Variants in PIBF1 observed in about 807,000 individuals in gnomAD.
The protein encoded by PIBF1 is progesterone immunomodulatory binding factor 1, also known as progesterone-induced-blocking factor 1.
Under a neutral mutation model 112.5 loss-of-function variants are expected in PIBF1, and 90 were observed. That is an observed-to-expected ratio of 0.80 (90% CI 0.67 to 0.95). The LOEUF is 0.95. Among genes scored for constraint, PIBF1 ranks in the 40% least tolerant of loss-of-function variants. The pLI is 0.00. For synonymous variants in PIBF1, 301 were observed against 288.6 expected (o/e 1.04, Z -0.44); for missense variants, 915 against 852.3 (o/e 1.07, Z -0.92).
At position 72,956,070 on chromosome 13, in the gene PIBF1, A is replaced by G. The variant is rs149140360; in HGVS notation, c.1834-9204A>G. Among the ~76,000 whole-genome samples, 1,245 of 152,302 alleles carry G rather than the reference A, an allele frequency of 8.2e-3. 15 individuals carry two copies. The highest frequency in any genetic ancestry group is 0.012 in the Non-Finnish European group (828 of 68,026). On this transcript the variant is annotated intron_variant, in intron 14 of 17. Coordinates refer to ENST00000326291, the MANE Select transcript of PIBF1 (RefSeq NM_006346.4). ...GAAAGGCAAGAGAGAGAAAATTCTT[A>G]GGTTTTGCAGTAACAATACTGAAAA...
intron 14 of PIBF1, among the ~76,000 whole-genome samples, chr13:72,964,660 GT>G (rs1022783848): frequency 2.3e-4 from 35 of 152,060 alleles, no homozygotes; most frequent in African/African-American, 8.0e-4. Flanking sequence ...TTAGCTAAGT[GT>G]TTCCATTTTA....
intron 13 of PIBF1, among the ~76,000 whole-genome samples, 176 bp from the exon 14 acceptor site, chr13:72,930,989 G>A (rs1231819279): frequency 6.6e-6 from 1 of 152,078 alleles, no homozygotes; most frequent in Non-Finnish European, 1.5e-5. Flanking sequence ...TCTGAGTTGT[G>A]GGGTATTGGT....
intron 17 of PIBF1, among the ~76,000 whole-genome samples, chr13:73,003,912 CAT>C (rs1227863800): frequency 6.6e-6 from 1 of 152,002 alleles, no homozygotes; most frequent in Non-Finnish European, 1.5e-5. Flanking sequence ...GGTCTCACTG[CAT>C]TGCTCAGGCT....
At chr13:72,794,543 A>G (rs1210874167) in intron 3 of PIBF1, among the ~76,000 whole-genome samples, 1 of 152,066 alleles carries the variant, frequency 6.6e-6, no homozygotes, top group African/African-American at 2.4e-5. Context: ...CATGGGAGGG[A>G]CCTGATGGGA....
chr13:73,010,829 T>TTTTTTTTTTTTTTTTG (rs2044179353), intron 17 of PIBF1, among the ~76,000 whole-genome samples: 1 of 122,674 alleles, frequency 8.2e-6, no homozygotes, highest in African/African-American at 3.2e-5. Context: ...TTTTTTTTTT[T>TTTTTTTTTTTTTTTTG]TTTTTTTTTT....
chr13:72,977,180 GTTGTT>G (rs10617060), intron 16 of PIBF1, among the ~76,000 whole-genome samples: 47 of 151,150 alleles, frequency 3.1e-4, no homozygotes, highest in Admixed American at 1.4e-3. Context: ...TTAATGTTGT[GTTGTT>G]TTGTTTTGTT....
intron 5 of PIBF1, among the ~76,000 whole-genome samples, chr13:72,817,443 A>C (rs2036326547): frequency 6.6e-6 from 1 of 152,076 alleles, no homozygotes; most frequent in Admixed American, 6.6e-5. Context: ...TGAAAAGTTT[A>C]CTTTTTTTGC....
chr13:72,911,108 TTAAAGCCTG>T (rs1394534808), intron 12 of PIBF1, among the ~76,000 whole-genome samples: 5 of 152,090 alleles, frequency 3.3e-5, no homozygotes, highest in African/African-American at 1.2e-4. Flanking sequence ...AGCTTAGAGG[TTAAAGCCTG>T]TAGGGTGCGA....
intron 6 of PIBF1, among the ~76,000 whole-genome samples, chr13:72,823,528 C>G (rs553892391): frequency 7.9e-4 from 120 of 152,108 alleles, no homozygotes; most frequent in Admixed American, 3.0e-3. Flanking sequence ...AAACATCGGT[C>G]ATAAAATATA....
chr13:72,869,287 T>C (rs938842341), intron 10 of PIBF1, among the ~76,000 whole-genome samples: 2 of 152,030 alleles, frequency 1.3e-5, no homozygotes, highest in East Asian at 3.9e-4. Context: ...TATGCAGCCA[T>C]AAAAAATGAT....
At chr13:72,879,294 T>C (rs2039529475) in intron 10 of PIBF1, among the ~76,000 whole-genome samples, 1 of 152,144 alleles carries the variant, frequency 6.6e-6, no homozygotes, top group South Asian at 2.1e-4. Context: ...GTAAGCTAAA[T>C]GTGAGATTTC....
chr13:72,854,690 G>A lies in PIBF1; in HGVS notation c.1322+535G>A, dbSNP rs138872957. Among the ~76,000 whole-genome samples, 10 of 152,202 alleles carry A rather than the reference G, an allele frequency of 6.6e-5. No individual in the cohort carries two copies. In the East Asian group the frequency reaches 1.7e-3, roughly 26 times the overall value. On this transcript the variant is annotated intron_variant, in intron 10 of 17. Transcript: ENST00000326291. ...CTGCCATATAATTTTTTGAAAGTGT[G>A]TGTTTTTATTTATCTTGGCTAAATA...
At chr13:72,920,200 G>A (rs1278126527) in intron 13 of PIBF1, among the ~76,000 whole-genome samples, 2 of 152,158 alleles carry the variant, frequency 1.3e-5, no homozygotes, top group African/African-American at 4.8e-5. Context: ...ATATTCTAAA[G>A]ATTCTATCAC....
At chr13:72,851,512 G>C (rs1160939992) in intron 9 of PIBF1, among the ~76,000 whole-genome samples, 2 of 152,222 alleles carry the variant, frequency 1.3e-5, no homozygotes, top group South Asian at 2.1e-4. Flanking sequence ...TGGGGGATGA[G>C]GGTGTCTTGG....
At chr13:72,895,143 A>G (rs2040230242) in intron 11 of PIBF1, among the ~76,000 whole-genome samples, 1 of 151,972 alleles carries the variant, frequency 6.6e-6, no homozygotes, top group South Asian at 2.1e-4. Context: ...TAAAGTAAAT[A>G]CAGATGAAAT....
chr13:73,009,917 T>C (rs2044143487), intron 17 of PIBF1, among the ~76,000 whole-genome samples: 1 of 152,194 alleles, frequency 6.6e-6, no homozygotes, highest in South Asian at 2.1e-4. Context: ...GAAATTCTTA[T>C]ACCGTCCTTT....
intron 16 of PIBF1, among the ~76,000 whole-genome samples, chr13:72,979,892 A>C (rs1415243038): frequency 6.6e-6 from 1 of 152,178 alleles, no homozygotes; most frequent in Non-Finnish European, 1.5e-5. Flanking sequence ...ACTGCACTGC[A>C]GCCTTGGCAA....
intron 8 of PIBF1, among the ~76,000 whole-genome samples, chr13:72,828,599 C>T (rs1212741356): frequency 6.6e-6 from 1 of 152,150 alleles, no homozygotes; most frequent in Non-Finnish European, 1.5e-5. Context: ...CTGCAAAGGA[C>T]ATGAACTCAT....
intron 16 of PIBF1, among the ~76,000 whole-genome samples, chr13:72,987,687 T>G (rs1261520040): frequency 2.0e-5 from 3 of 148,912 alleles, no homozygotes; most frequent in East Asian, 1.9e-4. Flanking sequence ...CTTTGTTGTT[T>G]TTTTTTTTGA....
Sources: gnomAD v4.1 joint callset for allele counts (sites outside exome capture counted in the v4.1 genomes callset) on GRCh38, gnomAD v4.1.1 for gene constraint, MANE v1.5 for transcripts, NCBI Gene and HGNC (gene_info 2026-07-23, HGNC 2026-07-21) for gene names.